ACO1: variants seen among roughly 807,000 people sequenced by gnomAD.
The protein encoded by ACO1 is aconitase 1.
In ACO1, 78 loss-of-function variants were observed where a neutral mutation model predicts 105.1. The observed-to-expected ratio is 0.74, with a 90% CI of 0.62 to 0.90. The LOEUF is 0.90. Ranked by LOEUF, ACO1 falls within the 40% of genes least tolerant of loss-of-function variation. The pLI, the probability that ACO1 is intolerant of heterozygous loss-of-function variation, is 0.00. For missense variants in ACO1, 965 were observed against 1,111.1 expected (o/e 0.87, Z 1.87); for synonymous variants, 364 against 397.4 (o/e 0.92, Z 1.00).
At chr9:32,391,980 G>C (rs1410221621) in intron 1 of ACO1, among the ~76,000 whole-genome samples, 2 of 152,134 alleles carry the variant, frequency 1.3e-5, no homozygotes, top group East Asian at 3.9e-4. Context: ...TAAGAAATCA[G>C]TCTAAGTGCT....
chr9:32,419,025 C>A lies in ACO1; in HGVS notation c.659-13C>A. ...TAATGAAGGCATTCTTCCGGTCATG[C>A]CGTTCATTGCAGGTGTCGGTGGTAT... On this transcript the variant is annotated splice_polypyrimidine_tract_variant and intron_variant, in intron 6 of 20. Transcript: ENST00000309951. 1 of 1,577,402 alleles carries A rather than the reference C, an allele frequency of 6.3e-7. No homozygotes were observed.
chr9:32,420,723 C>A, intron 7 of ACO1, 133 bp from the exon 8 acceptor site: 1 of 892,192 alleles, frequency 1.1e-6, no homozygotes, highest in Non-Finnish European at 1.7e-6. Flanking sequence ...TGAAAGTGAT[C>A]ACAAATGTGT....
At chr9:32,406,647 A>G (rs1352817158) in intron 2 of ACO1, among the ~76,000 whole-genome samples, 1 of 152,282 alleles carries the variant, frequency 6.6e-6, no homozygotes, top group East Asian at 1.9e-4. Flanking sequence ...CACATAATAC[A>G]ATAAAAATCT....
chr9:32,437,081 A>T (rs1430228790), intron 18 of ACO1, among the ~76,000 whole-genome samples: 1 of 152,218 alleles, frequency 6.6e-6, no homozygotes, highest in Admixed American at 6.5e-5. Flanking sequence ...TAAACTGTTT[A>T]ACTTACTTGA....
intron 7 of ACO1, among the ~76,000 whole-genome samples, chr9:32,419,460 G>A (rs1000777285): frequency 5.3e-5 from 8 of 152,146 alleles, no homozygotes. Flanking sequence ...GCATTCATAT[G>A]CCCACCACCT....
chr9:32,395,245 A>C (rs971701115), intron 1 of ACO1, among the ~76,000 whole-genome samples: 1 of 152,060 alleles, frequency 6.6e-6, no homozygotes, highest in African/African-American at 2.4e-5. Context: ...GGAGGCCGAG[A>C]TGGGCGGATC....
chr9:32,392,639 G>A (rs992678680), intron 1 of ACO1, among the ~76,000 whole-genome samples: 1 of 152,080 alleles, frequency 6.6e-6, no homozygotes, highest in Admixed American at 6.5e-5. Context: ...CTTGTTCATT[G>A]GCTCTGCCAG....
At chr9:32,433,220 C>T (rs562949485) in intron 15 of ACO1, among the ~76,000 whole-genome samples, 31 of 152,210 alleles carry the variant, frequency 2.0e-4, no homozygotes, top group African/African-American at 6.3e-4. Context: ...CTGCCTATCA[C>T]GGTGCATATG....
At chr9:32,449,109 C>A in intron 20 of ACO1, 28 bp downstream of exon 20, 2 of 1,560,840 alleles carry the variant, frequency 1.3e-6, no homozygotes, top group South Asian at 1.2e-5. Flanking sequence ...TATGCCAGGC[C>A]CTGTCGAAAG....
chr9:32,449,054 C>T lies in ACO1; in HGVS notation c.2529C>T (p.Leu843=). ...ERYTIIIPEN[L]KPQMKVQVKL... Reference sequence around the variant, plus strand: ...ACACTATCATTATTCCAGAAAACCTCAAACCACAAATGAAAGTCCAGGTCA... The same window carrying T: ...ACACTATCATTATTCCAGAAAACCTTAAACCACAAATGAAAGTCCAGGTCA... Residue 843 remains leucine (L), a synonymous_variant, in exon 20 of 21, where the codon CTC becomes CTT. Transcript: ENST00000309951. 6.2e-7 allele frequency: 1 copy of T among 1,609,444 alleles called. No homozygotes were observed. Among genetic ancestry groups the T allele is most frequent in the Non-Finnish European group, 8.5e-7 (1 of 1,176,760 alleles).
intron 16 of ACO1, among the ~76,000 whole-genome samples, chr9:32,434,094 G>A (rs1443984833): frequency 6.6e-6 from 1 of 152,194 alleles, no homozygotes; most frequent in Non-Finnish European, 1.5e-5. Context: ...TAGAGTCTGA[G>A]GGACTGTCCC....
chr9:32,409,802 G>T (rs548929148), intron 4 of ACO1, among the ~76,000 whole-genome samples: 1 of 152,152 alleles, frequency 6.6e-6, no homozygotes, highest in East Asian at 1.9e-4. Flanking sequence ...ATGCATACCA[G>T]TTGGGTGACA....
Position 32,454,044 on chromosome 9 carries a change from T to C in ACO1, c.*3933T>C, listed in dbSNP as rs1822826152. The C allele has an allele frequency of 6.6e-6, 1 of 152,230 alleles. No homozygotes were observed. Among genetic ancestry groups the C allele is most frequent in the Non-Finnish European group, 1.5e-5 (1 of 68,034 alleles). The allele number at this position is 152,230 out of a possible 1,614,324, so 9.4% of individuals were successfully genotyped here. Reference sequence around the variant, plus strand: ...GCCAAATTTGGTTCTGGTTGTCTTATCGTATGCAGGCTGGATACCTGCTAC... The same window carrying C: ...GCCAAATTTGGTTCTGGTTGTCTTACCGTATGCAGGCTGGATACCTGCTAC... On this transcript the variant is annotated 3_prime_UTR_variant, in exon 21 of 21. Coordinates refer to ENST00000309951, the MANE Select transcript of ACO1 (RefSeq NM_002197.3).
Position 32,419,512 on chromosome 9 carries a change from GCTCT to G in ACO1, c.798+338_798+341del, listed in dbSNP as rs1266705053. Among the ~76,000 whole-genome samples the G allele has an allele frequency of 7.9e-5, 12 of 152,254 alleles. No homozygotes were observed. In the South Asian group the frequency reaches 2.1e-3, roughly 26 times the overall value. ...ACCATTTTGTCATAGTTGCTTCAGAGCTCTCTGTGTTTTTAAAGAAATAATATGT... is the reference window on the plus strand; with the variant it reads ...ACCATTTTGTCATAGTTGCTTCAGAGCTGTGTTTTTAAAGAAATAATATGT... On this transcript the variant is annotated intron_variant, in intron 7 of 20. Transcript: ENST00000309951.
At chr9:32,418,957 T>A in intron 6 of ACO1, 81 bp from the exon 7 acceptor site, 1 of 1,432,364 alleles carries the variant, frequency 7.0e-7, no homozygotes, top group Middle Eastern at 1.9e-4. Context: ...GTTTATTACC[T>A]GTTAATGTCA....
intron 10 of ACO1, 76 bp from the exon 11 acceptor site, chr9:32,425,762 T>G (rs375525370): frequency 9.6e-7 from 1 of 1,045,660 alleles, no homozygotes; most frequent in Non-Finnish European, 1.4e-6. Context: ...TATATGTATG[T>G]ATTTTCCTCT....
chr9:32,448,656 C>A (rs73479403), intron 19 of ACO1, among the ~76,000 whole-genome samples: 10 of 152,308 alleles, frequency 6.6e-5, no homozygotes, highest in African/African-American at 2.4e-4. Flanking sequence ...CGCCCCACCC[C>A]ACTTGAGCGC....
intron 19 of ACO1, among the ~76,000 whole-genome samples, chr9:32,446,615 G>C (rs139624627): frequency 9.9e-5 from 15 of 152,210 alleles, no homozygotes; most frequent in African/African-American, 3.6e-4. Flanking sequence ...TGTGTGAATT[G>C]GATCCTGTCA....
intron 1 of ACO1, among the ~76,000 whole-genome samples, chr9:32,386,991 T>A: frequency 6.6e-6 from 1 of 152,164 alleles, no homozygotes; most frequent in South Asian, 2.1e-4. Flanking sequence ...TGAAGAGCAG[T>A]ACCCCCTACC....
Sources: gnomAD v4.1 joint callset for allele counts (sites outside exome capture counted in the v4.1 genomes callset) on GRCh38, gnomAD v4.1.1 for gene constraint, MANE v1.5 for transcripts, NCBI Gene and HGNC (gene_info 2026-07-23, HGNC 2026-07-21) for gene names.